The following TGFBR3 variants were observed in gnomAD, a reference collection of about 807,000 sequenced individuals.
TGFBR3 encodes transforming growth factor beta receptor 3.
A neutral mutation model predicts 87.9 loss-of-function variants in TGFBR3; 46 were observed. The observed-to-expected ratio is 0.52, with a 90% confidence interval of 0.41 to 0.67. The LOEUF (loss-of-function observed/expected upper bound fraction) is 0.67, where lower values mean the gene tolerates loss of function less well. Among genes scored for constraint, TGFBR3 ranks in the 30% least tolerant of loss-of-function variants. The probability of loss-of-function intolerance (pLI) is 0.00; values close to 1 mark genes in which losing one functional copy is unlikely to be tolerated. For missense variants in TGFBR3, 866 were observed against 1,041.9 expected (o/e 0.83, Z 2.32); for synonymous variants, 381 against 391.6 (o/e 0.97, Z 0.32).
intron 1 of TGFBR3, among the ~76,000 whole-genome samples, chr1:91,863,480 T>C (rs984045977): frequency 6.6e-6 from 1 of 152,222 alleles, no homozygotes; most frequent in Non-Finnish European, 1.5e-5. Flanking sequence ...ACATACACAA[T>C]GCTTAGAACA....
chr1:91,703,106 C>T (rs563531592), intron 14 of TGFBR3, among the ~76,000 whole-genome samples: 3 of 152,196 alleles, frequency 2.0e-5, no homozygotes, highest in South Asian at 4.1e-4. Context: ...TGATATCCCT[C>T]CTTCCCTTCT....
chr1:91,832,082 AAAAATTCAAC>A (rs1676872254), intron 2 of TGFBR3, among the ~76,000 whole-genome samples: 1 of 152,214 alleles, frequency 6.6e-6, no homozygotes, highest in South Asian at 2.1e-4. Flanking sequence ...CCCTTTACTT[AAAAATTCAAC>A]AAAGTTAAAA....
rs1159918148 is a variant in TGFBR3 at position 91,712,155 on chromosome 1, C to T, written c.2166+88G>A. 3.9e-6 allele frequency: 5 copies of T among 1,295,494 alleles called. No homozygotes were observed. In the Admixed American group the frequency reaches 7.8e-5, roughly 20 times the overall value. 80.2% of individuals were successfully genotyped at this position (1,295,494 alleles called of 1,614,324 possible). ...AGTTGGGCAGTTCCAAAACAAAAAA[C>T]CTCAACCTGCAAGACCTTGGGATTA... On this transcript the variant is annotated intron_variant, in intron 13 of 16. Coordinates refer to ENST00000212355, the MANE Select transcript of TGFBR3 (RefSeq NM_003243.5).
At chr1:91,773,405 C>T (rs1012057952) in intron 3 of TGFBR3, among the ~76,000 whole-genome samples, 1 of 152,080 alleles carries the variant, frequency 6.6e-6, no homozygotes, top group African/African-American at 2.4e-5. Flanking sequence ...CTAGGCCAGG[C>T]ACAGTGGCTC....
chr1:91,745,461 T>C (rs535544134), intron 4 of TGFBR3, among the ~76,000 whole-genome samples: 6 of 152,292 alleles, frequency 3.9e-5, no homozygotes, highest in Admixed American at 2.6e-4. Context: ...AGAATCTCAG[T>C]TGAGGTTTAA....
intron 2 of TGFBR3, among the ~76,000 whole-genome samples, chr1:91,832,329 T>C (rs949571462): frequency 1.3e-4 from 19 of 151,344 alleles, no homozygotes; most frequent in Admixed American, 2.6e-4. Flanking sequence ...ACAGAGACAA[T>C]CGATATTCCT....
intron 1 of TGFBR3, among the ~76,000 whole-genome samples, chr1:91,880,875 A>G (rs1391126909): frequency 6.7e-6 from 1 of 149,650 alleles, no homozygotes; most frequent in Non-Finnish European, 1.5e-5. Context: ...TATATTATAC[A>G]ATATATAGTT....
chr1:91,833,460 C>CA lies in TGFBR3; in HGVS notation c.61+28010dup, dbSNP rs33936360. Among the ~76,000 whole-genome samples, 340 of 37,030 alleles carry CA rather than the reference C, an allele frequency of 9.2e-3. 19 individuals are homozygous for CA. Among genetic ancestry groups the CA allele is most frequent in the Non-Finnish European group, 0.013 (275 of 21,694 alleles). 24.3% of individuals were successfully genotyped at this position (37,030 alleles called of 152,430 possible). A position where few individuals can be genotyped will look rare whatever the true frequency, so the allele number is the denominator to read the frequency against. On this transcript the variant is annotated intron_variant, in intron 2 of 16. Coordinates refer to ENST00000212355, the MANE Select transcript of TGFBR3 (RefSeq NM_003243.5). ...TGGGCGACAGAGCAAAGCTCTGTCT[C>CA]AAAAAAAAAAAAAAAAAAAAAAAAA...
intron 4 of TGFBR3, among the ~76,000 whole-genome samples, chr1:91,737,098 G>C (rs189350124): frequency 6.6e-6 from 1 of 152,310 alleles, no homozygotes; most frequent in East Asian, 1.9e-4. Flanking sequence ...GCTCCCTCCA[G>C]GCATTGTTGT....
chr1:91,705,419 C>G (rs1290524337), intron 14 of TGFBR3, among the ~76,000 whole-genome samples: 1 of 151,504 alleles, frequency 6.6e-6, no homozygotes, highest in Non-Finnish European at 1.5e-5. Flanking sequence ...TAGGTAGAGA[C>G]AGGGTTTCAC....
At chr1:91,743,740 C>G (rs571137794) in intron 4 of TGFBR3, among the ~76,000 whole-genome samples, 1 of 152,164 alleles carries the variant, frequency 6.6e-6, no homozygotes, top group Non-Finnish European at 1.5e-5. Context: ...CAGTGCCTGC[C>G]TAAGGTTCTG....
At chr1:91,728,144 C>G (rs1416790855) in intron 6 of TGFBR3, among the ~76,000 whole-genome samples, 1 of 152,138 alleles carries the variant, frequency 6.6e-6, no homozygotes, top group Non-Finnish European at 1.5e-5. Context: ...CTTTTTCAAC[C>G]TTCAACACCT....
chr1:91,758,838 AACTC>A, intron 3 of TGFBR3, 88 bp from the exon 4 acceptor site: 1 of 1,517,782 alleles, frequency 6.6e-7, no homozygotes, highest in South Asian at 1.1e-5. Flanking sequence ...CTTTTTTTGC[AACTC>A]ACTATCAACA....
upstream of TGFBR3, among the ~76,000 whole-genome samples, chr1:91,888,066 T>G (rs1679373373): frequency 6.6e-6 from 1 of 152,116 alleles, no homozygotes; most frequent in Non-Finnish European, 1.5e-5. Context: ...AATTGAATCT[T>G]GGGGATGAGT....
chr1:91,688,246 T>C (rs1379101142), intron 16 of TGFBR3, among the ~76,000 whole-genome samples: 1 of 152,220 alleles, frequency 6.6e-6, no homozygotes, highest in Non-Finnish European at 1.5e-5. Context: ...TGTTTGTATA[T>C]GGACTTTGGT....
intron 2 of TGFBR3, among the ~76,000 whole-genome samples, chr1:91,835,056 T>C (rs1025895887): frequency 2.6e-5 from 4 of 152,192 alleles, no homozygotes; most frequent in Admixed American, 1.3e-4. Context: ...GGGTGCTTTA[T>C]GCAAGTGGGG....
intron 3 of TGFBR3, among the ~76,000 whole-genome samples, chr1:91,759,383 CAAAAAAAAA>C (rs35600646): frequency 4.7e-5 from 4 of 84,736 alleles, no homozygotes; most frequent in African/African-American, 1.5e-4. Context: ...CAGCCCCTGT[CAAAAAAAAA>C]AAAAAAAAAA....
intron 2 of TGFBR3, among the ~76,000 whole-genome samples, chr1:91,834,500 G>T (rs1285993182): frequency 6.6e-6 from 1 of 152,178 alleles, no homozygotes; most frequent in East Asian, 1.9e-4. Flanking sequence ...GTTCAGAGTT[G>T]ATCTTTAATT....
intron 4 of TGFBR3, among the ~76,000 whole-genome samples, chr1:91,744,305 C>T (rs1471293974): frequency 2.0e-5 from 3 of 151,988 alleles, no homozygotes; most frequent in South Asian, 4.1e-4. Context: ...AGGCTGGTCT[C>T]GAACTCCTGA....
Sources: allele counts gnomAD v4.1 joint callset (sites outside exome capture counted in the v4.1 genomes callset), GRCh38; gene constraint gnomAD v4.1.1; transcripts MANE v1.5; gene names NCBI Gene and HGNC (gene_info 2026-07-23, HGNC 2026-07-21).